Variants in XYLB observed in about 807,000 individuals in gnomAD.
The protein encoded by XYLB is xylulokinase, also known as xylulose kinase.
XYLB carries 62 observed loss-of-function variants against 78.7 expected under a neutral mutation model. That is an observed-to-expected ratio of 0.79 (90% CI 0.64 to 0.97). XYLB has a LOEUF of 0.97. XYLB is among the 50% of genes least tolerant of loss of function. The probability of loss-of-function intolerance (pLI) is 0.00; values close to 1 mark genes in which losing one functional copy is unlikely to be tolerated. For synonymous variants in XYLB, 245 were observed against 247.4 expected (o/e 0.99, Z 0.09); for missense variants, 687 against 676.8 (o/e 1.02, Z -0.17).
At chr3:38,391,240 A>C (rs547554) in intron 15 of XYLB, among the ~76,000 whole-genome samples, 7 of 68,552 alleles carry the variant, frequency 1.0e-4, no homozygotes, top group African/African-American at 1.7e-4. Context: ...ACAACAACAA[A>C]AAAAAAGAAG....
the XYLB span, among the ~76,000 whole-genome samples, chr3:38,432,337 G>T: frequency 2.0e-5 from 3 of 152,178 alleles, no homozygotes; most frequent in Non-Finnish European, 4.4e-5. Flanking sequence ...TGGAGGCCAA[G>T]GTGTGTGGAT....
chr3:38,368,094 A>T, intron 7 of XYLB, 91 bp from the exon 8 acceptor site: 5 of 1,281,254 alleles, frequency 3.9e-6, no homozygotes, highest in Non-Finnish European at 5.6e-6. Flanking sequence ...TCCCTCTCCA[A>T]TTTTTTTTCA....
chr3:38,350,933 G>A (rs1334022787), intron 2 of XYLB, among the ~76,000 whole-genome samples: 1 of 151,802 alleles, frequency 6.6e-6, no homozygotes, highest in African/African-American at 2.4e-5. Context: ...CTTAAGGTCC[G>A]GAGTTTGAGA....
chr3:38,367,006 G>A (rs558598306), intron 7 of XYLB, 133 bp downstream of exon 7: 41 of 643,718 alleles, frequency 6.4e-5, no homozygotes, highest in East Asian at 6.0e-4. Context: ...TATTTGATTT[G>A]CTTTTTTCTC....
chr3:38,383,168 C>T (rs117352048), intron 15 of XYLB, among the ~76,000 whole-genome samples: 24 of 152,308 alleles, frequency 1.6e-4, no homozygotes, highest in African/African-American at 5.3e-4. Flanking sequence ...ACAACAGTAC[C>T]GCTGAAGTAG....
chr3:38,438,729 C>T, the XYLB span, among the ~76,000 whole-genome samples: 2 of 152,156 alleles, frequency 1.3e-5, no homozygotes, highest in Non-Finnish European at 1.5e-5. Flanking sequence ...GGAAGGAAAC[C>T]CGAGTGGGTT....
At chr3:38,450,871 A>G in the XYLB span, among the ~76,000 whole-genome samples, 1 of 152,232 alleles carries the variant, frequency 6.6e-6, no homozygotes. Flanking sequence ...AGTAGTGTAC[A>G]TGGAAAAAAG....
Position 38,401,002 on chromosome 3 carries a change from ATTTG to A in XYLB, c.1533+23_1533+26del, listed in dbSNP as rs1420790410. ...GCTTCTCAGGTGAGAGACCATCGGA[ATTTG>A]TTTGTAGCATTTGCATTATGAAAGC... On this transcript the variant is annotated intron_variant, in intron 18 of 18. Coordinates refer to ENST00000207870, the MANE Select transcript of XYLB (RefSeq NM_005108.4). 8.7e-6 allele frequency: 14 copies of A among 1,611,794 alleles called. No homozygotes were observed. Among genetic ancestry groups the A allele is most frequent in the Admixed American group, 3.3e-5 (2 of 59,988 alleles).
intron 12 of XYLB, 142 bp downstream of exon 12, chr3:38,375,401 C>G: frequency 2.8e-6 from 2 of 704,148 alleles, no homozygotes; most frequent in Non-Finnish European, 4.8e-6. Context: ...GCAACTGAGA[C>G]CCCCAAGGAC....
chr3:38,390,283 G>A (rs776978509), intron 15 of XYLB, among the ~76,000 whole-genome samples: 2 of 151,642 alleles, frequency 1.3e-5, no homozygotes, highest in Admixed American at 1.3e-4. Context: ...GTGCATTCTC[G>A]GCTCACTGCA....
intron 6 of XYLB, 113 bp downstream of exon 6, chr3:38,365,849 C>T: frequency 1.4e-6 from 2 of 1,417,016 alleles, no homozygotes; most frequent in South Asian, 3.0e-5. Flanking sequence ...GTTGTGGAGC[C>T]AGCAACAGGC....
chr3:38,366,952 T>G (rs1706298359), intron 7 of XYLB, 79 bp downstream of exon 7: 1 of 975,182 alleles, frequency 1.0e-6, no homozygotes, highest in Non-Finnish European at 1.6e-6. Context: ...ACATCTTACG[T>G]GCAGTGACTG....
At chr3:38,442,509 C>T in the XYLB span, among the ~76,000 whole-genome samples, 1 of 152,124 alleles carries the variant, frequency 6.6e-6, no homozygotes, top group African/African-American at 2.4e-5. Context: ...CTGGGAGTCA[C>T]AGTGCAGGGG....
At chr3:38,435,268 G>T in the XYLB span, among the ~76,000 whole-genome samples, 1 of 152,100 alleles carries the variant, frequency 6.6e-6, no homozygotes, top group Non-Finnish European at 1.5e-5. Context: ...AACCAAAAGT[G>T]AGCAGGAGTA....
At position 38,400,916 on chromosome 3, in the gene XYLB, C is replaced by T; in HGVS notation, c.1464C>T (p.Pro488=). 6.2e-7 allele frequency: 1 copy of T among 1,614,126 alleles called. No homozygotes were observed. The highest frequency in any genetic ancestry group is 8.5e-7 in the Non-Finnish European group (1 of 1,180,038). ...FHGLAGGTDV[P]FSEVVKLAPN... ...GTCTTGCAGGTGGAACAGATGTGCC[C>T]TTTTCAGAGGTTGTGAAGTTAGCTC... Residue 488 remains proline, a synonymous_variant, in exon 18 of 19, where the codon CCC becomes CCT. Transcript: ENST00000207870.
rs1318273542 is a variant in XYLB, at chr3:38,397,096, C to A, written c.1375C>A (p.Pro459Thr). ...GGTGCTTGCAGATGTGTTTGATGCC[C>A]CGGTGTATGTTATAGACACTGCCAA... ...LQVLADVFDA[P>T]VYVIDTANSA... Residue 459 changes from proline (P) to threonine (T), a missense_variant, in exon 17 of 19, where the codon CCG becomes ACG. Transcript: ENST00000207870. 1.2e-6 allele frequency: 2 copies of A among 1,614,006 alleles called. No homozygotes were observed. The highest frequency in any genetic ancestry group is 1.7e-6 in the Non-Finnish European group (2 of 1,180,032).
downstream of XYLB, among the ~76,000 whole-genome samples, chr3:38,418,032 T>C (rs1708855278): frequency 6.6e-6 from 1 of 150,804 alleles, no homozygotes; most frequent in Non-Finnish European, 1.5e-5. Flanking sequence ...TCTCTACTAA[T>C]AATACAAAAA....
At position 38,414,153 on chromosome 3, in the gene XYLB, A is replaced by G. The variant is rs1365282496; in HGVS notation, c.*1140A>G. On this transcript the variant is annotated 3_prime_UTR_variant, in exon 19 of 19. Coordinates refer to ENST00000207870, the MANE Select transcript of XYLB (RefSeq NM_005108.4). ...TGAGCTCAGGACTCCAGCTAAATCA[A>G]AATACGCATGTTCTCACCCAGAGTG... is the stretch of plus-strand genomic sequence containing the variant. 6.6e-6 allele frequency: 1 copy of G among 152,202 alleles called. No individual in the cohort carries two copies. The highest frequency in any genetic ancestry group is 1.5e-5 in the Non-Finnish European group (1 of 68,050). The allele number at this position is 152,202 out of a possible 1,614,324, so 9.4% of individuals were successfully genotyped here. A position where few individuals can be genotyped will look rare whatever the true frequency, so the allele number is the denominator to read the frequency against.
At chr3:38,365,758 T>G (rs1011256006) in intron 6 of XYLB, 22 bp downstream of exon 6, 2 of 1,600,910 alleles carry the variant, frequency 1.2e-6, no homozygotes, top group Admixed American at 1.7e-5. Context: ...ATGCGGGGGG[T>G]GCAGGGGGTG....
Sources: allele counts gnomAD v4.1 joint callset (sites outside exome capture counted in the v4.1 genomes callset), GRCh38; gene constraint gnomAD v4.1.1; transcripts MANE v1.5; gene names NCBI Gene and HGNC (gene_info 2026-07-23, HGNC 2026-07-21).